SAV1: variants seen among roughly 807,000 people sequenced by gnomAD.
SAV1 encodes the protein protein salvador homolog 1.
In SAV1, 23 loss-of-function variants were observed where a neutral mutation model predicts 47.3. The ratio of observed to expected loss-of-function variants is 0.49; its 90% CI spans 0.35 to 0.69. The LOEUF (loss-of-function observed/expected upper bound fraction) is 0.69, where lower values mean the gene tolerates loss of function less well. Among genes scored for constraint, SAV1 ranks in the 30% least tolerant of loss-of-function variants. The pLI is 0.01. For synonymous variants in SAV1, 155 were observed against 159.2 expected (o/e 0.97, Z 0.20); for missense variants, 448 against 457.4 (o/e 0.98, Z 0.19).
In SAV1 at chr14:50,635,112, C is replaced by T; in HGVS notation, c.*71G>A. 2 of 1,116,310 alleles carry T rather than the reference C, an allele frequency of 1.8e-6. No individual in the cohort carries two copies. The highest frequency in any genetic ancestry group is 2.4e-5 in the East Asian group (1 of 41,690). The allele number at this position is 1,116,310 out of a possible 1,614,324, so 69.2% of individuals were successfully genotyped here. On this transcript the variant is annotated 3_prime_UTR_variant, in exon 5 of 5. Transcript: ENST00000324679. ...GAAGCAGCATTTATTAACCAGAGTA[C>T]TTGTTTGCAATTTTTTATCTGTGAA... is the stretch of plus-strand genomic sequence containing the variant.
Position 50,665,617 on chromosome 14 carries a change from G to A in SAV1, c.97C>T (p.Leu33Phe). ...KKETSPLLRN[L>F]MPSFIRHGPT... Reference sequence around the variant, plus strand: ...CCATGCCGGATGAATGAAGGCATAAGATCTACAATAAAACAAAGGATAAAA... The same window carrying A: ...CCATGCCGGATGAATGAAGGCATAAAATCTACAATAAAACAAAGGATAAAA... Residue 33 changes from leucine to phenylalanine, a missense_variant and splice_region_variant, in exon 2 of 5, where the codon CTT (leucine) becomes TTT (phenylalanine). By Grantham distance (22) the Leu-to-Phe change is conservative (BLOSUM62 0). Coordinates refer to ENST00000324679, the MANE Select transcript of SAV1 (RefSeq NM_021818.4). The A allele has an allele frequency of 6.3e-7, 1 of 1,582,976 alleles. No individual in the cohort carries two copies. Among genetic ancestry groups the A allele is most frequent in the Non-Finnish European group, 8.6e-7 (1 of 1,166,504 alleles).
intron 2 of SAV1, among the ~76,000 whole-genome samples, chr14:50,657,667 T>C (rs1258361104): frequency 6.6e-6 from 1 of 152,200 alleles, no homozygotes; most frequent in Non-Finnish European, 1.5e-5. Context: ...AAGAACAAAA[T>C]TACCTTTCTG....
Position 50,665,686 on chromosome 14 carries a change from C to A in SAV1, c.95-67G>T, listed in dbSNP as rs1381625033. On this transcript the variant is annotated intron_variant, in intron 1 of 4. Transcript: ENST00000324679. ...GTAACAAAAGTTTTCGAAATTTGTTCATTTATGTCTACCACCCCAAAATCA... is the reference window on the plus strand; with the variant it reads ...GTAACAAAAGTTTTCGAAATTTGTTAATTTATGTCTACCACCCCAAAATCA... The A allele has an allele frequency of 1.2e-5, 16 of 1,360,092 alleles. No homozygotes were observed. The South Asian group carries it at 1.4e-4, about 12-fold the overall frequency. The allele number at this position is 1,360,092 out of a possible 1,614,324, so 84.3% of individuals were successfully genotyped here.
intron 2 of SAV1, among the ~76,000 whole-genome samples, chr14:50,652,513 T>C (rs539484966): frequency 1.3e-5 from 2 of 152,188 alleles, no homozygotes; most frequent in Non-Finnish European, 2.9e-5. Context: ...GCCTGGAACA[T>C]CTAGTCACAT....
intron 4 of SAV1, among the ~76,000 whole-genome samples, chr14:50,635,639 C>A (rs1021682247): frequency 6.6e-6 from 1 of 152,042 alleles, no homozygotes; most frequent in African/African-American, 2.4e-5. Context: ...CATAGCAAGA[C>A]CCTGTTTCTA....
chr14:50,661,740 C>G (rs986041888), intron 2 of SAV1, among the ~76,000 whole-genome samples: 19 of 152,160 alleles, frequency 1.2e-4, no homozygotes, highest in African/African-American at 2.9e-4. Flanking sequence ...AATCAGTTGG[C>G]TGTAAATATG....
Position 50,668,046 on chromosome 14 carries a change from CCTCCGCCGG to C in SAV1, c.-88_-80del, listed in dbSNP as rs977173673. The stretch of plus-strand genomic sequence containing the variant: ...CGGGCGCCGGCCGTCTCCGCCGCCA[CCTCCGCCGG>C]CGCCGCCGCCTCCTTCCCTCCCGAG... On this transcript the variant is annotated 5_prime_UTR_variant, in exon 1 of 5. Coordinates refer to ENST00000324679, the MANE Select transcript of SAV1 (RefSeq NM_021818.4). 26 of 1,029,538 alleles carry C rather than the reference CCTCCGCCGG, an allele frequency of 2.5e-5. No individual in the cohort carries two copies. The highest frequency in any genetic ancestry group is 5.2e-6 in the Non-Finnish European group (4 of 772,610). 63.8% of individuals were successfully genotyped at this position (1,029,538 alleles called of 1,614,324 possible).
rs2039624571 is a variant in SAV1, at chr14:50,635,242, A to C, written c.1093T>G (p.Leu365Val). 6.2e-7 allele frequency: 1 copy of C among 1,613,990 alleles called. No individual in the cohort carries two copies. Among genetic ancestry groups the C allele is most frequent in the Non-Finnish European group, 8.5e-7 (1 of 1,180,016 alleles). Residue 365 changes from leucine (L) to valine (V), a missense_variant, in exon 5 of 5, where the codon TTG becomes GTG. Physicochemically the swap from Leu to Val is conservative, Grantham distance 32 (BLOSUM62 1). Coordinates refer to ENST00000324679, the MANE Select transcript of SAV1 (RefSeq NM_021818.4). ...TGCTGTCTCTGCTTTCGGTTTTCCA[A>C]CTCTGTAAGAAGGGCTTGTCTGTAT... ...EAYRQALLTE[L>V]ENRKQRQQWY... is the part of the protein sequence containing the mutation.
chr14:50,653,470 A>G (rs930968883), intron 2 of SAV1, among the ~76,000 whole-genome samples: 1 of 152,248 alleles, frequency 6.6e-6, no homozygotes, highest in African/African-American at 2.4e-5. Flanking sequence ...TGCAACACTT[A>G]GACATACTTT....
intron 3 of SAV1, among the ~76,000 whole-genome samples, chr14:50,642,189 T>A (rs2039685770): frequency 6.6e-6 from 1 of 152,184 alleles, no homozygotes; most frequent in South Asian, 2.1e-4. Context: ...CAATAAACAT[T>A]GAGGCCTACT....
rs1220937817 is a variant in SAV1, at chr14:50,649,881, G to GCA, written c.536-4868_536-4867insTG. On this transcript the variant is annotated intron_variant, in intron 2 of 4. Transcript: ENST00000324679. The stretch of plus-strand genomic sequence containing the variant: ...AGAATGGTCAAAATAAGAAAGACTG[G>GCA]GTGACCATTGAGGTGTGAAGGAGTA... 2.0e-5 allele frequency among the ~76,000 whole-genome samples: 3 copies of GCA among 152,256 alleles called. No individual in the cohort carries two copies. The East Asian group carries it at 5.8e-4, about 29-fold the overall frequency.
chr14:50,654,982 A>G (rs10133849), intron 2 of SAV1, among the ~76,000 whole-genome samples: 69,038 of 146,868 alleles, frequency 0.47, 17,423 homozygotes, highest in East Asian at 0.74. Context: ...GTACCCTTTC[A>G]AAAGAAAGCT....
At chr14:50,665,130 G>C (rs1209376806) in intron 2 of SAV1, 49 bp downstream of exon 2, 2 of 1,456,504 alleles carry the variant, frequency 1.4e-6, no homozygotes, top group African/African-American at 2.9e-5. Context: ...CTTTTTAATT[G>C]ACATGTCAAT....
rs1363560452 is a variant in SAV1, at chr14:50,667,903, A to G, written c.65T>C (p.Val22Ala). 2 of 1,612,934 alleles carry G rather than the reference A, an allele frequency of 1.2e-6. No homozygotes were observed. Among genetic ancestry groups the G allele is most frequent in the Non-Finnish European group, 1.7e-6 (2 of 1,179,488 alleles). Reference protein sequence around the residue: ...SKPAEVQGKYVKKETSPLLRN... With the variant: ...SKPAEVQGKYAKKETSPLLRN... ...AAGCAGAGGCGACGTCTCCTTCTTC[A>G]CGTACTTCCCCTGCACCTCGGCCGG... Residue 22 changes from valine (V) to alanine (A), a missense_variant, in exon 1 of 5, where the codon GTG (valine) becomes GCG (alanine). Val to Ala is a moderately conservative substitution (Grantham distance 64, BLOSUM62 0). Coordinates refer to ENST00000324679, the MANE Select transcript of SAV1 (RefSeq NM_021818.4).
Position 50,635,062 on chromosome 14 carries a change from T to A in SAV1, c.*121A>T. On this transcript the variant is annotated 3_prime_UTR_variant, in exon 5 of 5. Transcript: ENST00000324679. ...TTCTAATAACAAAATACATGTAAAG[T>A]TAGAATTTTATAATTTCCACAAAGG... 1.4e-6 allele frequency: 1 copy of A among 710,166 alleles called. No homozygotes were observed. Among genetic ancestry groups the A allele is most frequent in the Non-Finnish European group, 2.3e-6 (1 of 435,626 alleles). The allele number at this position is 710,166 out of a possible 1,614,324, so 44.0% of individuals were successfully genotyped here.
chr14:50,658,375 C>A (rs773449721), intron 2 of SAV1, among the ~76,000 whole-genome samples: 1 of 152,170 alleles, frequency 6.6e-6, no homozygotes, highest in Non-Finnish European at 1.5e-5. Context: ...CTAAAGACTT[C>A]CTGTTAACAG....
intron 2 of SAV1, among the ~76,000 whole-genome samples, chr14:50,661,440 T>G (rs2039859299): frequency 6.6e-6 from 1 of 152,252 alleles, no homozygotes; most frequent in Non-Finnish European, 1.5e-5. Flanking sequence ...CAGACGCCTT[T>G]TGGTTTAATA....
At chr14:50,658,456 T>G (rs2039831325) in intron 2 of SAV1, among the ~76,000 whole-genome samples, 1 of 152,154 alleles carries the variant, frequency 6.6e-6, no homozygotes, top group Non-Finnish European at 1.5e-5. Flanking sequence ...AAAGGTCAAA[T>G]TTTCTAATCT....
Position 50,665,386 on chromosome 14 carries a change from A to G in SAV1, c.328T>C (p.Tyr110His), listed in dbSNP as rs1460814138. The stretch of plus-strand genomic sequence containing the variant: ...GTTACAAATGACTGAGAAGAACCAT[A>G]CTCTCTAGGGACATCTGCTAGACTT... ...ARSLADVPRE[Y>H]GSSQSFVTEV... The change falls in exon 2 of 5, where the codon TAT becomes CAT. Residue 110 changes from tyrosine to histidine, a missense_variant. Physicochemically the swap from Tyr to His is moderately conservative, Grantham distance 83. Coordinates refer to ENST00000324679, the MANE Select transcript of SAV1 (RefSeq NM_021818.4). 1 of 1,611,752 alleles carries G rather than the reference A, an allele frequency of 6.2e-7. No individual in the cohort carries two copies. The highest frequency in any genetic ancestry group is 1.3e-5 in the African/African-American group (1 of 74,950).
Sources: allele counts gnomAD v4.1 joint callset (sites outside exome capture counted in the v4.1 genomes callset), GRCh38; gene constraint gnomAD v4.1.1; transcripts MANE v1.5; gene names NCBI Gene and HGNC (gene_info 2026-07-23, HGNC 2026-07-21).